The following IFT74 variants were observed in gnomAD, a reference collection of about 807,000 sequenced individuals.
The protein encoded by IFT74 is intraflagellar transport 74, also known as intraflagellar transport protein 74 homolog.
A neutral mutation model predicts 96.7 loss-of-function variants in IFT74; 92 were observed. That is an observed-to-expected ratio of 0.95 (90% CI 0.80 to 1.13). The LOEUF (loss-of-function observed/expected upper bound fraction) is 1.13. Among genes scored for constraint, IFT74 ranks in the 50% most tolerant of loss-of-function variants. IFT74 has a pLI of 0.00. For synonymous variants in IFT74, 223 were observed against 213.2 expected (o/e 1.05, Z -0.40); for missense variants, 811 against 698.2 (o/e 1.16, Z -1.82).
chr9:26,954,038 G>C (rs535586380), upstream of IFT74, among the ~76,000 whole-genome samples: 3 of 152,218 alleles, frequency 2.0e-5, no homozygotes, highest in South Asian at 4.2e-4. Flanking sequence ...AATCACTGCT[G>C]TACAAATCAA....
At chr9:27,053,801 C>T (rs1820037666) in intron 16 of IFT74, among the ~76,000 whole-genome samples, 1 of 152,146 alleles carries the variant, frequency 6.6e-6, no homozygotes, top group Non-Finnish European at 1.5e-5. Context: ...AGTGTTTACT[C>T]CAAATAGTCA....
chr9:26,990,108 C>T (rs767166252), intron 7 of IFT74, 26 bp from the exon 8 acceptor site: 2 of 1,426,530 alleles, frequency 1.4e-6, no homozygotes, highest in Admixed American at 2.7e-5. Flanking sequence ...TTATTTCTTA[C>T]TAACTTATGT....
rs199784124 is a variant in IFT74 at position 27,012,001 on chromosome 9, T to A, written c.789+33T>A. The A allele has an allele frequency of 6.9e-4, 979 of 1,408,666 alleles. 1 individual carries two copies. The highest frequency in any genetic ancestry group is 1.5e-3 in the Admixed American group (64 of 41,824). 87.3% of individuals were successfully genotyped at this position (1,408,666 alleles called of 1,614,324 possible). A position where few individuals can be genotyped will look rare whatever the true frequency, so the allele number is the denominator to read the frequency against. On this transcript the variant is annotated intron_variant, in intron 10 of 19. Transcript: ENST00000380062. ...TAAAATCAAATAAGGGTTCTCATAC[T>A]ACTCAGCTAAAAAAGTTAATTCAGC...
At chr9:27,060,062 A>T (rs1287450957) in intron 18 of IFT74, among the ~76,000 whole-genome samples, 1 of 152,230 alleles carries the variant, frequency 6.6e-6, no homozygotes, top group Non-Finnish European at 1.5e-5. Flanking sequence ...GTTGATGCAG[A>T]AATTATTGTA....
chr9:27,034,122 G>A (rs946789543), intron 13 of IFT74, among the ~76,000 whole-genome samples: 3 of 152,088 alleles, frequency 2.0e-5, no homozygotes, highest in African/African-American at 7.2e-5. Flanking sequence ...AGGGATTATT[G>A]GGCATTATTA....
At chr9:27,058,786 A>G (rs1241179078) in intron 18 of IFT74, among the ~76,000 whole-genome samples, 1 of 152,234 alleles carries the variant, frequency 6.6e-6, no homozygotes, top group African/African-American at 2.4e-5. Context: ...GTAGAATCTC[A>G]TGAAAGCTTG....
rs73438253 is a variant in IFT74, at chr9:27,065,169, T to G, written c.*2433T>G. 1.3e-5 allele frequency among the ~76,000 whole-genome samples: 2 copies of G among 152,164 alleles called. No individual in the cohort carries two copies. The highest frequency in any genetic ancestry group is 4.8e-5 in the African/African-American group (2 of 41,434). ...GCAAGGCTTTCAATTTCCATCCTAA[T>G]TTATTCATATGTAATATTGGTGGGG... On this transcript the variant is annotated 3_prime_UTR_variant, in exon 20 of 20. Coordinates refer to ENST00000380062, the MANE Select transcript of IFT74 (RefSeq NM_025103.4).
intron 14 of IFT74, among the ~76,000 whole-genome samples, chr9:27,046,252 T>G (rs985873492): frequency 6.6e-6 from 1 of 152,138 alleles, no homozygotes; most frequent in African/African-American, 2.4e-5. Context: ...TAAAGAAAAT[T>G]CAGTTTTATA....
chr9:26,987,822 T>C (rs895517460), intron 6 of IFT74, among the ~76,000 whole-genome samples: 1 of 152,248 alleles, frequency 6.6e-6, no homozygotes, highest in African/African-American at 2.4e-5. Flanking sequence ...ACTGATATCC[T>C]TGCCTAACTT....
chr9:27,029,470 G>A (rs1460665135), intron 13 of IFT74, among the ~76,000 whole-genome samples: 2 of 152,122 alleles, frequency 1.3e-5, no homozygotes, highest in Non-Finnish European at 2.9e-5. Context: ...ATAGTCGGCC[G>A]GGTGTGGTGG....
chr9:27,061,672 C>T (rs1048146717), intron 19 of IFT74, among the ~76,000 whole-genome samples: 15 of 121,224 alleles, frequency 1.2e-4, no homozygotes, highest in African/African-American at 4.8e-4. Context: ...TATATATATC[C>T]ACAAGTATAT....
intron 13 of IFT74, among the ~76,000 whole-genome samples, chr9:27,041,239 G>C (rs1819463545): frequency 6.6e-6 from 1 of 152,062 alleles, no homozygotes; most frequent in Non-Finnish European, 1.5e-5. Flanking sequence ...AAAGTACCTT[G>C]CTGGTATAAT....
Position 27,009,119 on chromosome 9 carries a change from G to A in IFT74, c.687G>A (p.Lys229=). ...IKNMSFENQV[K]YLEMKTTNEK... is the part of the protein sequence containing the mutation. ...ATATGTCTTTTGAAAACCAAGTCAA[G>A]TACCTAGAGATGAAAACCACAAATG... Residue 229 remains lysine, a synonymous_variant, in exon 9 of 20, where the codon AAG becomes AAA. Transcript: ENST00000380062. 1 of 1,613,290 alleles carries A rather than the reference G, an allele frequency of 6.2e-7. No individual in the cohort carries two copies. Among genetic ancestry groups the A allele is most frequent in the Non-Finnish European group, 8.5e-7 (1 of 1,179,476 alleles).
chr9:27,021,367 T>C (rs1437704000), intron 12 of IFT74, among the ~76,000 whole-genome samples: 2 of 152,198 alleles, frequency 1.3e-5, no homozygotes, highest in Non-Finnish European at 2.9e-5. Flanking sequence ...GATCGCTAGA[T>C]CAAATGGTAG....
chr9:26,948,448 A>ATTATTATTTTTTTTTTTTTTTTTTTT (rs1825819541), intron 1 of IFT74, among the ~76,000 whole-genome samples: 2 of 59,162 alleles, frequency 3.4e-5, no homozygotes, highest in Non-Finnish European at 7.7e-5. Context: ...GCTTTCCATT[A>ATTATTATTTTTTTTTTTTTTTTTTTT]TTTTTTTTTT....
chr9:26,956,558 C>G (rs1468762480), intron 1 of IFT74, 42 bp downstream of exon 1: 1 of 152,356 alleles, frequency 6.6e-6, no homozygotes, highest in African/African-American at 2.4e-5. Flanking sequence ...CTCCCTCCCA[C>G]GTCTGTTCTC....
rs754998857 is a variant in IFT74 at position 26,962,074 on chromosome 9, G to T, written c.107G>T (p.Arg36Leu). 6.2e-7 allele frequency: 1 copy of T among 1,614,114 alleles called. No homozygotes were observed. The highest frequency in any genetic ancestry group is 1.1e-5 in the South Asian group (1 of 91,066). The change falls in exon 2 of 20, where the codon CGA becomes CTA. Residue 36 changes from arginine (R) to leucine (L), a missense_variant. Transcript: ENST00000380062. ...SGIRPLSGNI[R>L]VATAMPPGTA... is the part of the protein sequence containing the mutation. ...ATACGACCCCTATCAGGAAATATTCGAGTGGCAACTGCAGTAAGTTTGAAA... is the reference window on the plus strand; with the variant it reads ...ATACGACCCCTATCAGGAAATATTCTAGTGGCAACTGCAGTAAGTTTGAAA...
chr9:26,982,445 T>C, intron 4 of IFT74: 1 of 385,010 alleles, frequency 2.6e-6, no homozygotes. Flanking sequence ...CTTGGCTAAT[T>C]TTTGTATTTT....
chr9:27,031,459 T>A (rs1830119480), intron 13 of IFT74, among the ~76,000 whole-genome samples: 1 of 151,224 alleles, frequency 6.6e-6, no homozygotes, highest in Non-Finnish European at 1.5e-5. Context: ...AGAGCGAGAC[T>A]CCGTCTTAAA....
Sources: gnomAD v4.1 joint callset for allele counts (sites outside exome capture counted in the v4.1 genomes callset) on GRCh38, gnomAD v4.1.1 for gene constraint, MANE v1.5 for transcripts, NCBI Gene and HGNC (gene_info 2026-07-23, HGNC 2026-07-21) for gene names.